KHDRBS3: variants seen among roughly 807,000 people sequenced by gnomAD.
KHDRBS3 encodes the protein KH domain-containing, RNA-binding, signal transduction-associated protein 3.
KHDRBS3 carries 23 observed loss-of-function variants against 45.6 expected under a neutral mutation model. The observed-to-expected ratio is 0.50, with a 90% CI of 0.36 to 0.72. KHDRBS3 has a LOEUF of 0.72. Among genes scored for constraint, KHDRBS3 ranks in the 30% least tolerant of loss-of-function variants. The pLI, the probability that KHDRBS3 is intolerant of heterozygous loss-of-function variation, is 0.00. For missense variants in KHDRBS3, 352 were observed against 424.8 expected, an observed-to-expected ratio of 0.83 and a Z score of 1.51; for synonymous variants, 162 against 156.5, an observed-to-expected ratio of 1.04 and a Z score of -0.26.
intron 1 of KHDRBS3, among the ~76,000 whole-genome samples, chr8:135,499,386 G>A (rs1823620083): frequency 6.6e-6 from 1 of 152,214 alleles, no homozygotes; most frequent in South Asian, 2.1e-4. Context: ...AAGTGGTGGA[G>A]CTGTAATTTA....
chr8:135,640,300 G>A (rs909921902), intron 7 of KHDRBS3, among the ~76,000 whole-genome samples: 2 of 152,098 alleles, frequency 1.3e-5, no homozygotes, highest in African/African-American at 4.8e-5. Flanking sequence ...TGGTGGAGAG[G>A]CTCAAAGAGG....
chr8:135,508,103 G>A (rs1232198818), intron 1 of KHDRBS3, among the ~76,000 whole-genome samples: 2 of 152,118 alleles, frequency 1.3e-5, no homozygotes, highest in Admixed American at 6.6e-5. Context: ...AGCCTTTACT[G>A]TGTAAATAGG....
intron 1 of KHDRBS3, among the ~76,000 whole-genome samples, chr8:135,513,582 GT>G (rs201764574): frequency 6.7e-6 from 1 of 150,316 alleles, no homozygotes; most frequent in South Asian, 2.1e-4. Context: ...TTATGTTTTT[GT>G]TTTTTTTTAC....
intron 1 of KHDRBS3, among the ~76,000 whole-genome samples, chr8:135,473,602 A>G (rs1822123089): frequency 1.3e-5 from 2 of 152,052 alleles, no homozygotes; most frequent in African/African-American, 4.8e-5. Context: ...CAGTCCTTTC[A>G]TTGTGGCTTT....
chr8:135,478,227 C>A (rs765358153), intron 1 of KHDRBS3, among the ~76,000 whole-genome samples: 1 of 152,128 alleles, frequency 6.6e-6, no homozygotes, highest in Admixed American at 6.6e-5. Context: ...GCCTTACATA[C>A]CCATTTTAGA....
At chr8:135,557,974 T>C (rs1237219864) in intron 5 of KHDRBS3, among the ~76,000 whole-genome samples, 2 of 152,202 alleles carry the variant, frequency 1.3e-5, no homozygotes, top group African/African-American at 2.4e-5. Flanking sequence ...GTGAATATTA[T>C]TATTCACTGT....
intron 6 of KHDRBS3, among the ~76,000 whole-genome samples, chr8:135,605,524 G>A (rs1356573186): frequency 2.6e-5 from 4 of 151,916 alleles, no homozygotes; most frequent in Non-Finnish European, 5.9e-5. Context: ...TTTGTTTGAT[G>A]AGACACTGTT....
At chr8:135,474,446 T>C (rs926203983) in intron 1 of KHDRBS3, among the ~76,000 whole-genome samples, 17 of 152,196 alleles carry the variant, frequency 1.1e-4, no homozygotes, top group Admixed American at 5.9e-4. Flanking sequence ...TTCATTTGAG[T>C]TGGCTGATTC....
At chr8:135,533,739 C>T (rs192264600) in intron 2 of KHDRBS3, among the ~76,000 whole-genome samples, 19 of 152,248 alleles carry the variant, frequency 1.2e-4, no homozygotes, top group Middle Eastern at 3.4e-3. Flanking sequence ...GGTTTTGTCC[C>T]AATAAGCCAC....
At chr8:135,560,174 TA>T (rs1285257429) in intron 5 of KHDRBS3, among the ~76,000 whole-genome samples, 1 of 152,210 alleles carries the variant, frequency 6.6e-6, no homozygotes, top group Non-Finnish European at 1.5e-5. Context: ...ATATACAGTT[TA>T]TTTTTAGTGA....
At chr8:135,636,396 C>A (rs1192894143) in intron 7 of KHDRBS3, among the ~76,000 whole-genome samples, 1 of 152,204 alleles carries the variant, frequency 6.6e-6, no homozygotes, top group African/African-American at 2.4e-5. Context: ...CATGCAGCTT[C>A]GTGCCACTGC....
chr8:135,571,196 G>A (rs1827685519), intron 5 of KHDRBS3, among the ~76,000 whole-genome samples: 1 of 152,196 alleles, frequency 6.6e-6, no homozygotes, highest in Admixed American at 6.5e-5. Flanking sequence ...CCAACGGGAG[G>A]AAGCTTGACA....
At chr8:135,468,579 T>C (rs1821820212) in intron 1 of KHDRBS3, among the ~76,000 whole-genome samples, 1 of 152,248 alleles carries the variant, frequency 6.6e-6, no homozygotes. Context: ...AGACACTATG[T>C]AAATGAATGA....
chr8:135,615,863 A>G (rs1205666095), intron 7 of KHDRBS3, among the ~76,000 whole-genome samples: 1 of 152,154 alleles, frequency 6.6e-6, no homozygotes, highest in Non-Finnish European at 1.5e-5. Flanking sequence ...TCAGTGGACA[A>G]CCTGAAACAC....
intron 3 of KHDRBS3, among the ~76,000 whole-genome samples, chr8:135,546,668 A>G (rs901239361): frequency 2.0e-5 from 3 of 152,218 alleles, no homozygotes; most frequent in Non-Finnish European, 4.4e-5. Flanking sequence ...CTTTATTACT[A>G]TAACAGCCTT....
intron 3 of KHDRBS3, among the ~76,000 whole-genome samples, chr8:135,543,103 G>C (rs1435260048): frequency 5.3e-5 from 8 of 152,122 alleles, no homozygotes; most frequent in Non-Finnish European, 1.0e-4. Flanking sequence ...TTTTAGATTA[G>C]TGTTTTTGGA....
At chr8:135,640,846 T>C (rs1831029818) in intron 7 of KHDRBS3, among the ~76,000 whole-genome samples, 1 of 152,242 alleles carries the variant, frequency 6.6e-6, no homozygotes, top group African/African-American at 2.4e-5. Context: ...TTTAGTGTTT[T>C]TTCCCTTTGC....
At chr8:135,620,968 G>A (rs1830113927) in intron 7 of KHDRBS3, among the ~76,000 whole-genome samples, 1 of 152,148 alleles carries the variant, frequency 6.6e-6, no homozygotes, top group Non-Finnish European at 1.5e-5. Flanking sequence ...GGTGATCTAT[G>A]TGTGTTCTTC....
At chr8:135,473,505 C>T (rs1055183114) in intron 1 of KHDRBS3, among the ~76,000 whole-genome samples, 1 of 152,078 alleles carries the variant, frequency 6.6e-6, no homozygotes, top group African/African-American at 2.4e-5. Flanking sequence ...GTGTGGAGTG[C>T]AGAGACAACA....
Sources: gnomAD v4.1 joint callset for allele counts (sites outside exome capture counted in the v4.1 genomes callset) on GRCh38, gnomAD v4.1.1 for gene constraint, MANE v1.5 for transcripts, NCBI Gene and HGNC (gene_info 2026-07-23, HGNC 2026-07-21) for gene names.